TBC1D14: variants seen among roughly 807,000 people sequenced by gnomAD.
TBC1D14 encodes TBC1 domain family, member 14.
TBC1D14 carries 26 observed loss-of-function variants against 79.0 expected under a neutral mutation model. The ratio of observed to expected loss-of-function variants is 0.33; its 90% CI spans 0.24 to 0.46. The LOEUF is 0.46. Ranked by LOEUF, TBC1D14 falls within the 20% of genes least tolerant of loss-of-function variation. The pLI, the probability that TBC1D14 is intolerant of heterozygous loss-of-function variation, is 1.00. For missense variants in TBC1D14, 769 were observed against 887.6 expected (o/e 0.87, Z 1.70); for synonymous variants, 394 against 349.9 (o/e 1.13, Z -1.40).
At chr4:7,022,390 C>A (rs1307139943) in intron 12 of TBC1D14, among the ~76,000 whole-genome samples, 1 of 152,222 alleles carries the variant, frequency 6.6e-6, no homozygotes, top group Non-Finnish European at 1.5e-5. Flanking sequence ...TCAGGAGCGT[C>A]CCTTCACTGA....
At chr4:6,972,638 G>T (rs1716324131) in intron 3 of TBC1D14, among the ~76,000 whole-genome samples, 2 of 152,182 alleles carry the variant, frequency 1.3e-5, no homozygotes, top group Admixed American at 1.3e-4. Context: ...TTAGCAGTCT[G>T]AAGCTATGGT....
intron 12 of TBC1D14, among the ~76,000 whole-genome samples, chr4:7,018,746 G>A (rs993334482): frequency 6.6e-6 from 1 of 152,208 alleles, no homozygotes; most frequent in Non-Finnish European, 1.5e-5. Flanking sequence ...CAGAGCAGGG[G>A]CCCTTCAGCT....
At chr4:6,964,615 T>C (rs931484543) in intron 2 of TBC1D14, among the ~76,000 whole-genome samples, 3 of 152,238 alleles carry the variant, frequency 2.0e-5, no homozygotes, top group Non-Finnish European at 1.5e-5. Flanking sequence ...AAGTTCATTT[T>C]CTTTTTCTTT....
intron 2 of TBC1D14, among the ~76,000 whole-genome samples, chr4:6,956,900 C>T (rs1714697421): frequency 6.6e-6 from 1 of 152,216 alleles, no homozygotes; most frequent in African/African-American, 2.4e-5. Context: ...CAAAGGTGGC[C>T]CCGGGAGTGG....
At chr4:6,954,072 T>G (rs1714376603) in intron 2 of TBC1D14, 4 of 568,830 alleles carry the variant, frequency 7.0e-6, no homozygotes, top group South Asian at 2.2e-5. Flanking sequence ...TCCCAGACTT[T>G]GGGCTCACTC....
chr4:6,975,471 A>C (rs1716640362), intron 3 of TBC1D14, among the ~76,000 whole-genome samples: 2 of 152,150 alleles, frequency 1.3e-5, no homozygotes, highest in African/African-American at 4.8e-5. Flanking sequence ...CAGCCTCCCC[A>C]AAGTGCTGGG....
At chr4:6,956,781 G>A (rs553009512) in intron 2 of TBC1D14, among the ~76,000 whole-genome samples, 1 of 152,326 alleles carries the variant, frequency 6.6e-6, no homozygotes, top group East Asian at 1.9e-4. Flanking sequence ...ACCTGTGCCT[G>A]AGCTGCCTGT....
intron 10 of TBC1D14, among the ~76,000 whole-genome samples, 186 bp from the exon 11 acceptor site, chr4:7,010,467 G>T (rs1720640810): frequency 6.6e-6 from 1 of 152,148 alleles, no homozygotes; most frequent in African/African-American, 2.4e-5. Flanking sequence ...GAGCAGGCCG[G>T]GTGGCTGGGG....
chr4:7,018,674 C>T (rs1721516640), intron 12 of TBC1D14, among the ~76,000 whole-genome samples: 3 of 152,242 alleles, frequency 2.0e-5, no homozygotes, highest in African/African-American at 7.2e-5. Flanking sequence ...GTCCTTCCAA[C>T]ACCGCCTTCC....
chr4:6,974,947 T>A (rs1166593280), intron 3 of TBC1D14, among the ~76,000 whole-genome samples: 1 of 149,966 alleles, frequency 6.7e-6, no homozygotes, highest in Middle Eastern at 3.3e-3. Context: ...AGTCTTGCTC[T>A]GTTGCCCAGG....
intron 4 of TBC1D14, 97 bp downstream of exon 4, chr4:6,994,399 G>C (rs1482217045): frequency 1.9e-6 from 2 of 1,054,334 alleles, no homozygotes; most frequent in Admixed American, 1.8e-5. Context: ...GGTCAGAAAA[G>C]GGGAGAAGAG....
intron 3 of TBC1D14, among the ~76,000 whole-genome samples, chr4:6,983,685 C>T (rs1435058009): frequency 6.6e-6 from 1 of 152,096 alleles, no homozygotes; most frequent in Non-Finnish European, 1.5e-5. Context: ...CACATGATGC[C>T]AAGAACTAGA....
At chr4:6,927,032 C>T (rs182224290) in intron 2 of TBC1D14, among the ~76,000 whole-genome samples, 29 of 152,268 alleles carry the variant, frequency 1.9e-4, no homozygotes, top group Admixed American at 1.1e-3. Context: ...AGGGTGGAGA[C>T]GGGCAGGGAT....
At chr4:6,967,579 G>A (rs760981171) in intron 3 of TBC1D14, among the ~76,000 whole-genome samples, 155 bp downstream of exon 3, 1 of 152,240 alleles carries the variant, frequency 6.6e-6, no homozygotes, top group Non-Finnish European at 1.5e-5. Context: ...TATTCACAAT[G>A]TGGATGAATT....
intron 1 of TBC1D14, among the ~76,000 whole-genome samples, chr4:6,916,961 A>G (rs1161946329): frequency 6.6e-6 from 1 of 152,158 alleles, no homozygotes; most frequent in Non-Finnish European, 1.5e-5. Flanking sequence ...GACTTTGGAA[A>G]ACACCTGTCA....
intron 3 of TBC1D14, among the ~76,000 whole-genome samples, chr4:6,975,999 A>G (rs1357813871): frequency 6.6e-6 from 1 of 152,226 alleles, no homozygotes; most frequent in Non-Finnish European, 1.5e-5. Flanking sequence ...AGGCTGAGAC[A>G]GGAGAATCAC....
intron 3 of TBC1D14, among the ~76,000 whole-genome samples, chr4:6,985,754 A>T (rs1435003321): frequency 2.0e-5 from 3 of 152,364 alleles, no homozygotes; most frequent in African/African-American, 7.2e-5. Context: ...CCCAGGAATT[A>T]ATTGAAAGAA....
intron 13 of TBC1D14, 126 bp from the exon 14 acceptor site, chr4:7,030,201 G>C: frequency 2.4e-6 from 2 of 818,114 alleles, no homozygotes; most frequent in South Asian, 2.9e-5. Context: ...ACCCTGGAGG[G>C]TTGGAGGCAG....
chr4:6,978,198 T>C (rs1268769902), intron 3 of TBC1D14, among the ~76,000 whole-genome samples: 2 of 151,058 alleles, frequency 1.3e-5, no homozygotes, highest in Admixed American at 6.6e-5. Flanking sequence ...TACTGGGAAG[T>C]GAGGAGCCCC....
Sources: allele counts gnomAD v4.1 joint callset (sites outside exome capture counted in the v4.1 genomes callset), GRCh38; gene constraint gnomAD v4.1.1; transcripts MANE v1.5; gene names NCBI Gene and HGNC (gene_info 2026-07-23, HGNC 2026-07-21).